Variants in BMPR1A observed in about 807,000 individuals in gnomAD.
BMPR1A encodes bone morphogenetic protein receptor type 1A.
BMPR1A carries 7 observed loss-of-function variants against 66.0 expected under a neutral mutation model. The ratio of observed to expected loss-of-function variants is 0.11; its 90% CI spans 0.06 to 0.20. BMPR1A has a LOEUF of 0.20. BMPR1A is among the 10% of genes least tolerant of loss of function. The pLI is 1.00. For synonymous variants in BMPR1A, 200 were observed against 229.7 expected (o/e 0.87, Z 1.17); for missense variants, 408 against 669.1 (o/e 0.61, Z 4.31).
chr10:86,775,508 C>T (rs1564680366), intron 1 of BMPR1A, among the ~76,000 whole-genome samples: 1 of 152,180 alleles, frequency 6.6e-6, no homozygotes, highest in Non-Finnish European at 1.5e-5. Flanking sequence ...ATGCCCATCT[C>T]ACCCTGCTAT....
At chr10:86,827,840 C>A (rs954818938) in intron 1 of BMPR1A, among the ~76,000 whole-genome samples, 1 of 152,178 alleles carries the variant, frequency 6.6e-6, no homozygotes, top group Admixed American at 6.5e-5. Flanking sequence ...TCTCCCTTCT[C>A]CTTAAAGTGG....
At position 86,925,832 on chromosome 10, in the gene BMPR1A, A is replaced by G. The variant is rs1843733423; in HGVS notation, c.*2113A>G. On this transcript the variant is annotated 3_prime_UTR_variant, in exon 13 of 13. Transcript: ENST00000372037. ...AAGCTCCGCTTCCCGGGTTCACGCC[A>G]TTCTCCTGCCTCAGCCTCCCGAGTA... is the stretch of plus-strand genomic sequence containing the variant. 1 of 154,700 alleles carries G rather than the reference A, an allele frequency of 6.5e-6. No individual in the cohort carries two copies. The highest frequency in any genetic ancestry group is 2.6e-5 in the African/African-American group (1 of 38,450). 9.6% of individuals were successfully genotyped at this position (154,700 alleles called of 1,614,324 possible).
intron 1 of BMPR1A, among the ~76,000 whole-genome samples, chr10:86,817,737 A>C (rs1017628552): frequency 6.6e-6 from 1 of 152,210 alleles, no homozygotes; most frequent in Non-Finnish European, 1.5e-5. Flanking sequence ...ACAGAAAAGA[A>C]AAACCCTGGA....
At chr10:86,842,125 A>G (rs951604303) in intron 2 of BMPR1A, among the ~76,000 whole-genome samples, 2 of 152,144 alleles carry the variant, frequency 1.3e-5, no homozygotes, top group Admixed American at 1.3e-4. Context: ...TGCCATTGGC[A>G]TTGGAAGTGG....
chr10:86,763,006 A>T (rs937112321), intron 1 of BMPR1A, among the ~76,000 whole-genome samples: 1 of 151,864 alleles, frequency 6.6e-6, no homozygotes, highest in Non-Finnish European at 1.5e-5. Flanking sequence ...AGCGATTCTC[A>T]TGCCTCAGCC....
chr10:86,831,865 C>CTTATTTAGTCTAA (rs1239754319), intron 1 of BMPR1A, among the ~76,000 whole-genome samples: 27 of 152,282 alleles, frequency 1.8e-4, no homozygotes, highest in African/African-American at 6.3e-4. Context: ...TGCCATTTGT[C>CTTATTTAGTCTAA]ATTAACTTAT....
chr10:86,901,256 A>G (rs2133465620), intron 7 of BMPR1A, among the ~76,000 whole-genome samples: 1 of 152,344 alleles, frequency 6.6e-6, no homozygotes, highest in Non-Finnish European at 1.5e-5. Flanking sequence ...ACCCTGAGCT[A>G]CCCAATCAAG....
intron 2 of BMPR1A, among the ~76,000 whole-genome samples, chr10:86,865,400 A>AC (rs796985823): frequency 8.0e-5 from 12 of 150,900 alleles, no homozygotes; most frequent in South Asian, 6.3e-4. Context: ...GCACCTTGCG[A>AC]CCCCCACTCT....
At chr10:86,774,078 T>C (rs1841308009) in intron 1 of BMPR1A, among the ~76,000 whole-genome samples, 2 of 152,100 alleles carry the variant, frequency 1.3e-5, no homozygotes, top group Non-Finnish European at 2.9e-5. Context: ...CTCAAACTCC[T>C]GACCTCAGAT....
At position 86,896,132 on chromosome 10, in the gene BMPR1A, T is replaced by C. The variant is rs576000428; in HGVS notation, c.334-3662T>C. ...TAGCACCACTGCACTCTAGCCTGGG[T>C]AACAGAGCGAGACTCCGTCTCAAAA... is the stretch of plus-strand genomic sequence containing the variant. On this transcript the variant is annotated intron_variant, in intron 5 of 12. Coordinates refer to ENST00000372037, the MANE Select transcript of BMPR1A (RefSeq NM_004329.3). Among the ~76,000 whole-genome samples the C allele has an allele frequency of 8.8e-3, 1,215 of 138,602 alleles. 20 individuals carry two copies. Among genetic ancestry groups the C allele is most frequent in the African/African-American group, 0.03 (1,100 of 36,786 alleles). The allele number at this position is 138,602 out of a possible 152,430, so 90.9% of individuals were successfully genotyped here. A position where few individuals can be genotyped will look rare whatever the true frequency, so the allele number is the denominator to read the frequency against.
At chr10:86,882,469 A>G (rs910355537) in intron 3 of BMPR1A, among the ~76,000 whole-genome samples, 5 of 152,022 alleles carry the variant, frequency 3.3e-5, no homozygotes, top group Admixed American at 6.6e-5. Flanking sequence ...TCAAACATAT[A>G]TATGTAAATG....
intron 1 of BMPR1A, among the ~76,000 whole-genome samples, chr10:86,759,206 T>A (rs994616894): frequency 1.3e-5 from 2 of 152,182 alleles, no homozygotes; most frequent in African/African-American, 4.8e-5. Flanking sequence ...GAGGGGCCTT[T>A]TGTGACATTA....
At chr10:86,825,960 A>G (rs1246526518) in intron 1 of BMPR1A, among the ~76,000 whole-genome samples, 1 of 152,238 alleles carries the variant, frequency 6.6e-6, no homozygotes, top group Non-Finnish European at 1.5e-5. Flanking sequence ...TGAAATGCAT[A>G]TATTTGCAAA....
chr10:86,879,239 C>T (rs1842957328), intron 3 of BMPR1A, among the ~76,000 whole-genome samples: 1 of 152,120 alleles, frequency 6.6e-6, no homozygotes, highest in Non-Finnish European at 1.5e-5. Flanking sequence ...CTTGAGTTGA[C>T]AATGCTCAGT....
chr10:86,869,446 G>GTT (rs1842825270), intron 2 of BMPR1A, among the ~76,000 whole-genome samples: 2 of 124,594 alleles, frequency 1.6e-5, no homozygotes, highest in African/African-American at 3.3e-5. Context: ...TACAGAGCAA[G>GTT]ACTCTGTCTC....
At chr10:86,885,086 G>A (rs1843052485) in intron 3 of BMPR1A, among the ~76,000 whole-genome samples, 4 of 152,080 alleles carry the variant, frequency 2.6e-5, no homozygotes, top group South Asian at 4.1e-4. Context: ...CTAGACCAAC[G>A]TAGTATGACA....
intron 1 of BMPR1A, among the ~76,000 whole-genome samples, chr10:86,807,292 C>G (rs1175038479): frequency 5.9e-5 from 9 of 152,136 alleles, no homozygotes; most frequent in Admixed American, 5.9e-4. Context: ...CCATTTCATT[C>G]TAATTTCATT....
chr10:86,836,136 GT>G lies in BMPR1A; in HGVS notation c.-267-2727del, dbSNP rs529316948. Among the ~76,000 whole-genome samples the G allele has an allele frequency of 3.0e-4, 45 of 152,320 alleles. No homozygotes were observed. In the South Asian group the frequency reaches 9.1e-3, roughly 31 times the overall value. ...TTTGTTTTGACTAACACCCCTGGTG[GT>G]TGTTGAACCACAAGTTCATAGTGTT... On this transcript the variant is annotated intron_variant, in intron 1 of 12. Coordinates refer to ENST00000372037, the MANE Select transcript of BMPR1A (RefSeq NM_004329.3).
At chr10:86,825,080 CT>C (rs35280609) in intron 1 of BMPR1A, among the ~76,000 whole-genome samples, 246 of 144,280 alleles carry the variant, frequency 1.7e-3, no homozygotes, top group African/African-American at 3.2e-3. Context: ...AAATGACATT[CT>C]TTTTTTTTTT....
Sources: allele counts gnomAD v4.1 joint callset (sites outside exome capture counted in the v4.1 genomes callset), GRCh38; gene constraint gnomAD v4.1.1; transcripts MANE v1.5; gene names NCBI Gene and HGNC (gene_info 2026-07-23, HGNC 2026-07-21).